Variants in AP1S3 observed in about 807,000 individuals in gnomAD.
AP1S3 encodes AP-1 complex subunit sigma-3.
In AP1S3, 10 loss-of-function variants were observed where a neutral mutation model predicts 20.9. The observed-to-expected ratio is 0.48, with a 90% CI of 0.29 to 0.81. The LOEUF is 0.81. Ranked by LOEUF, AP1S3 falls within the 30% of genes least tolerant of loss-of-function variation. AP1S3 has a pLI of 0.08. For missense variants in AP1S3, 154 were observed against 183.8 expected (o/e 0.84, Z 0.94); for synonymous variants, 41 against 61.5 (o/e 0.67, Z 1.56).
In AP1S3 at chr2:223,757,013, C is replaced by T. The variant is rs1328513116; in HGVS notation, c.*1702G>A. ...CTTTTTTTTTTTTTTTTTCTTGAGA[C>T]GCAGTCTTGCTCTGTCACCCGCCTG... On this transcript the variant is annotated 3_prime_UTR_variant, in exon 5 of 5. Transcript: ENST00000396654. The T allele has an allele frequency of 2.7e-5, 26 of 971,564 alleles. No homozygotes were observed. Among genetic ancestry groups the T allele is most frequent in the Admixed American group, 6.4e-5 (1 of 15,630 alleles). The allele number at this position is 971,564 out of a possible 1,614,324, so 60.2% of individuals were successfully genotyped here.
chr2:223,801,815 C>G (rs574466636), intron 1 of AP1S3, among the ~76,000 whole-genome samples: 2 of 152,226 alleles, frequency 1.3e-5, no homozygotes, highest in South Asian at 4.1e-4. Flanking sequence ...ACCATAAAAA[C>G]AAGCAGAGAG....
At chr2:223,824,072 G>T (rs1368501048) in intron 1 of AP1S3, among the ~76,000 whole-genome samples, 1 of 152,078 alleles carries the variant, frequency 6.6e-6, no homozygotes, top group Non-Finnish European at 1.5e-5. Context: ...GCTCACTGCA[G>T]CCTCAATTTC....
At chr2:223,798,026 CGA>C (rs1237442813) in intron 1 of AP1S3, among the ~76,000 whole-genome samples, 1 of 152,140 alleles carries the variant, frequency 6.6e-6, no homozygotes, top group Non-Finnish European at 1.5e-5. Context: ...ATATCTCAGC[CGA>C]ATATTACTGT....
At chr2:223,777,962 A>G in intron 1 of AP1S3, 93 bp from the exon 2 acceptor site, 1 of 1,159,920 alleles carries the variant, frequency 8.6e-7, no homozygotes, top group Non-Finnish European at 1.2e-6. Flanking sequence ...ATTTACACAG[A>G]AAGATAATTC....
At chr2:223,814,347 C>T (rs1481747716) in intron 1 of AP1S3, among the ~76,000 whole-genome samples, 7 of 152,180 alleles carry the variant, frequency 4.6e-5, no homozygotes, top group African/African-American at 1.2e-4. Flanking sequence ...CTGCCTTTCA[C>T]GTTCTGTTCT....
At chr2:223,835,422 C>T (rs190244998) in intron 1 of AP1S3, among the ~76,000 whole-genome samples, 3 of 152,240 alleles carry the variant, frequency 2.0e-5, no homozygotes, top group East Asian at 3.9e-4. Flanking sequence ...TTTGGGAGGC[C>T]GATGCAGGTG....
At chr2:223,830,808 C>T (rs1574734916) in intron 1 of AP1S3, among the ~76,000 whole-genome samples, 1 of 152,148 alleles carries the variant, frequency 6.6e-6, no homozygotes, top group African/African-American at 2.4e-5. Context: ...CCCCATCGCA[C>T]TGAAAGACTA....
chr2:223,777,559 G>T (rs1409257721), intron 2 of AP1S3, 132 bp downstream of exon 2: 3 of 770,542 alleles, frequency 3.9e-6, no homozygotes, highest in Admixed American at 3.1e-5. Context: ...TAGTCTATTG[G>T]TACAAATATC....
intron 1 of AP1S3, among the ~76,000 whole-genome samples, chr2:223,793,355 G>A (rs59604967): frequency 0.098 from 14,841 of 152,162 alleles, 992 homozygotes; most frequent in East Asian, 0.25. Flanking sequence ...GCACTAAGAA[G>A]ATGTGGTACA....
chr2:223,804,514 T>C (rs1221239204), intron 1 of AP1S3, among the ~76,000 whole-genome samples: 1 of 152,030 alleles, frequency 6.6e-6, no homozygotes. Context: ...ACCTGGGCAA[T>C]ATAGTGAGAC....
intron 1 of AP1S3, among the ~76,000 whole-genome samples, chr2:223,820,665 G>GTA (rs1691965489): frequency 9.0e-6 from 1 of 111,432 alleles, no homozygotes. Flanking sequence ...TTCCAAACTA[G>GTA]GAGAAAAAAA....
At chr2:223,797,760 C>T (rs192650995) in intron 1 of AP1S3, among the ~76,000 whole-genome samples, 5 of 152,094 alleles carry the variant, frequency 3.3e-5, no homozygotes, top group South Asian at 2.1e-4. Context: ...AGCAAAACTC[C>T]GTCTCAAAAA....
intron 1 of AP1S3, among the ~76,000 whole-genome samples, chr2:223,803,150 TC>T (rs1691504835): frequency 6.6e-6 from 1 of 152,212 alleles, no homozygotes; most frequent in Admixed American, 6.5e-5. Context: ...GTGTTGTTTT[TC>T]TTCTTGTAAA....
chr2:223,759,278 CAAAAACAA>C (rs1482252799), intron 4 of AP1S3, among the ~76,000 whole-genome samples: 1 of 129,650 alleles, frequency 7.7e-6, no homozygotes, highest in Non-Finnish European at 1.5e-5. Context: ...GACTCCGTCT[CAAAAACAA>C]AAAAAAAAAA....
At chr2:223,825,485 C>T (rs543704822) in intron 1 of AP1S3, among the ~76,000 whole-genome samples, 2 of 152,196 alleles carry the variant, frequency 1.3e-5, no homozygotes, top group African/African-American at 2.4e-5. Context: ...GAGCTGAAGG[C>T]GGGGTCATCC....
chr2:223,765,959 C>T (rs1006213), intron 3 of AP1S3, among the ~76,000 whole-genome samples: 1 of 152,010 alleles, frequency 6.6e-6, no homozygotes, highest in Non-Finnish European at 1.5e-5. Flanking sequence ...CGCCGGACTG[C>T]GGGATTTCAC....
chr2:223,790,233 CTT>C (rs373959648), intron 1 of AP1S3, among the ~76,000 whole-genome samples: 27 of 140,906 alleles, frequency 1.9e-4, no homozygotes, highest in Middle Eastern at 3.6e-3. Flanking sequence ...TGCCTCCAGT[CTT>C]TTTTTTTTTT....
chr2:223,760,205 C>CA (rs926777088), intron 4 of AP1S3, among the ~76,000 whole-genome samples: 3 of 152,096 alleles, frequency 2.0e-5, no homozygotes, highest in African/African-American at 7.2e-5. Flanking sequence ...CTCGAGAGGA[C>CA]AAAAAATCAC....
intron 1 of AP1S3, among the ~76,000 whole-genome samples, chr2:223,785,402 A>C (rs1326877974): frequency 6.6e-6 from 1 of 152,196 alleles, no homozygotes; most frequent in Non-Finnish European, 1.5e-5. Flanking sequence ...AAAAATGTAA[A>C]ACTATTCTTG....
Sources: gnomAD v4.1 joint callset for allele counts (sites outside exome capture counted in the v4.1 genomes callset) on GRCh38, gnomAD v4.1.1 for gene constraint, MANE v1.5 for transcripts, NCBI Gene and HGNC (gene_info 2026-07-23, HGNC 2026-07-21) for gene names.